The following ANKRD44 variants were observed in gnomAD, a reference collection of about 807,000 sequenced individuals.
ANKRD44 encodes ankyrin repeat domain 44.
ANKRD44 carries 35 observed loss-of-function variants against 116.0 expected under a neutral mutation model. That is an observed-to-expected ratio of 0.30 (90% CI 0.23 to 0.40). ANKRD44 has a LOEUF of 0.40. Ranked by LOEUF, ANKRD44 falls within the 10% of genes least tolerant of loss-of-function variation. ANKRD44 has a pLI of 1.00. For missense variants in ANKRD44, 1,014 were observed against 1,242.6 expected (o/e 0.82, Z 2.77); for synonymous variants, 435 against 461.8 (o/e 0.94, Z 0.74).
intron 16 of ANKRD44, among the ~76,000 whole-genome samples, chr2:197,037,100 T>C (rs2076821940): frequency 6.6e-6 from 1 of 152,156 alleles, no homozygotes; most frequent in Admixed American, 6.6e-5. Flanking sequence ...ATAAAATATA[T>C]GGATAAGGAA....
At chr2:197,310,553 G>GC in intron 1 of ANKRD44, 25 bp downstream of exon 1, 1 of 1,145,630 alleles carries the variant, frequency 8.7e-7, no homozygotes, top group Non-Finnish European at 1.1e-6. Flanking sequence ...CGCGCGTCCC[G>GC]CCCGCCGGCG....
intron 16 of ANKRD44, among the ~76,000 whole-genome samples, chr2:197,047,607 G>A (rs1263575356): frequency 6.6e-6 from 1 of 152,116 alleles, no homozygotes; most frequent in Admixed American, 6.5e-5. Flanking sequence ...AAAACAGAGA[G>A]GGGGAATTTA....
Position 197,239,569 on chromosome 2 carries a change from T to C in ANKRD44, c.28-52463A>G, listed in dbSNP as rs115452389. On this transcript the variant is annotated intron_variant, in intron 1 of 27. Coordinates refer to ENST00000282272, the MANE Select transcript of ANKRD44 (RefSeq NM_001195144.2). ...TAATCCAGGAGAAACATAAATAACT[T>C]ATAAAGAAAGGAAGATGATATTGGG... Among the ~76,000 whole-genome samples the C allele has an allele frequency of 6.4e-3, 977 of 152,274 alleles. 7 individuals carry two copies. Among genetic ancestry groups the C allele is most frequent in the South Asian group, 0.018 (85 of 4,824 alleles).
intron 1 of ANKRD44, among the ~76,000 whole-genome samples, chr2:197,242,030 G>T (rs1209213765): frequency 1.3e-5 from 2 of 151,922 alleles, no homozygotes; most frequent in African/African-American, 2.4e-5. Flanking sequence ...ATAAAAACTT[G>T]CTAGGGTGCA....
At chr2:197,268,423 T>G (rs1378625616) in intron 1 of ANKRD44, among the ~76,000 whole-genome samples, 1 of 152,204 alleles carries the variant, frequency 6.6e-6, no homozygotes, top group East Asian at 1.9e-4. Flanking sequence ...AAACTATCAT[T>G]TTTTGTGACT....
chr2:197,304,979 C>A, intron 1 of ANKRD44, among the ~76,000 whole-genome samples: 1 of 152,186 alleles, frequency 6.6e-6, no homozygotes, highest in East Asian at 1.9e-4. Context: ...CTGTGGTGAG[C>A]AAACATGGAG....
intron 2 of ANKRD44, among the ~76,000 whole-genome samples, chr2:197,172,477 T>TCCA (rs1436674290): frequency 6.6e-6 from 1 of 152,170 alleles, no homozygotes; most frequent in Non-Finnish European, 1.5e-5. Context: ...GATGGAACAT[T>TCCA]TCTACCTCTA....
At chr2:197,108,838 AAAAAAC>A (rs1166958192) in intron 9 of ANKRD44, among the ~76,000 whole-genome samples, 14 of 66,012 alleles carry the variant, frequency 2.1e-4, no homozygotes, top group South Asian at 7.3e-4. Flanking sequence ...AAAGTGTCTT[AAAAAAC>A]AACAACAACA....
chr2:196,995,342 C>T (rs1466445854), intron 26 of ANKRD44, 37 bp downstream of exon 26: 9 of 1,461,834 alleles, frequency 6.2e-6, no homozygotes, highest in Non-Finnish European at 7.6e-6. Flanking sequence ...ATGACTATGA[C>T]CCTGGGTTCA....
At chr2:197,045,180 C>G (rs1348446655) in intron 16 of ANKRD44, among the ~76,000 whole-genome samples, 1 of 151,260 alleles carries the variant, frequency 6.6e-6, no homozygotes, top group East Asian at 1.9e-4. Flanking sequence ...GCTGTCTTGT[C>G]TTTGCTGAAC....
intron 1 of ANKRD44, among the ~76,000 whole-genome samples, chr2:197,193,208 G>A (rs939284516): frequency 6.6e-6 from 1 of 152,102 alleles, no homozygotes; most frequent in Non-Finnish European, 1.5e-5. Context: ...CCAATTTTTG[G>A]AACATTTAAT....
chr2:196,989,805 C>A, intron 27 of ANKRD44, 156 bp from the exon 28 acceptor site: 1 of 1,417,882 alleles, frequency 7.1e-7, no homozygotes, highest in South Asian at 1.5e-5. Flanking sequence ...TTGGTATGAC[C>A]TTGACTGAGA....
intron 1 of ANKRD44, among the ~76,000 whole-genome samples, chr2:197,272,394 C>T (rs1040418408): frequency 1.6e-4 from 24 of 152,222 alleles, no homozygotes; most frequent in Admixed American, 2.6e-4. Flanking sequence ...CGTGCCACCA[C>T]GCCCAGCTAA....
At chr2:197,113,359 G>C (rs920976168) in intron 8 of ANKRD44, among the ~76,000 whole-genome samples, 9 of 152,172 alleles carry the variant, frequency 5.9e-5, no homozygotes, top group Admixed American at 2.6e-4. Flanking sequence ...AAATAACTAA[G>C]GCGAGAGAAG....
At chr2:197,174,258 G>A (rs566256891) in intron 2 of ANKRD44, among the ~76,000 whole-genome samples, 8 of 151,854 alleles carry the variant, frequency 5.3e-5, no homozygotes, top group East Asian at 3.8e-4. Context: ...TTGTACAATC[G>A]TTAGCACAGG....
intron 16 of ANKRD44, among the ~76,000 whole-genome samples, chr2:197,052,362 G>A (rs1419667399): frequency 6.6e-6 from 1 of 152,144 alleles, no homozygotes; most frequent in Non-Finnish European, 1.5e-5. Flanking sequence ...TGGGCTTGGA[G>A]GATGAAGTGC....
Position 197,081,628 on chromosome 2 carries a change from G to A in ANKRD44, c.1538+17C>T, listed in dbSNP as rs775895104. The A allele has an allele frequency of 1.9e-6, 3 of 1,609,602 alleles. No individual in the cohort carries two copies. The African/African-American group carries it at 4.0e-5, about 22-fold the overall frequency. Reference sequence around the variant, plus strand: ...GTCAGAAATGGCACCTTGTTCTTAAGCTGAGAAGAAACTTACAGTGTGGCT... The same window carrying A: ...GTCAGAAATGGCACCTTGTTCTTAAACTGAGAAGAAACTTACAGTGTGGCT... On this transcript the variant is annotated intron_variant, in intron 15 of 27. Coordinates refer to ENST00000282272, the MANE Select transcript of ANKRD44 (RefSeq NM_001195144.2).
intron 9 of ANKRD44, among the ~76,000 whole-genome samples, chr2:197,103,659 C>T (rs1208785546): frequency 3.3e-5 from 5 of 152,106 alleles, no homozygotes; most frequent in Non-Finnish European, 5.9e-5. Context: ...AGGTGTGATA[C>T]ATTTCTTTTA....
chr2:197,182,738 C>T (rs991877069), intron 2 of ANKRD44, among the ~76,000 whole-genome samples: 1 of 152,154 alleles, frequency 6.6e-6, no homozygotes, highest in African/African-American at 2.4e-5. Flanking sequence ...TCCCTGTATG[C>T]AGGTTTCAGA....
Sources: gnomAD v4.1 joint callset for allele counts (sites outside exome capture counted in the v4.1 genomes callset) on GRCh38, gnomAD v4.1.1 for gene constraint, MANE v1.5 for transcripts, NCBI Gene and HGNC (gene_info 2026-07-23, HGNC 2026-07-21) for gene names.